Variants in ANKLE2 observed in about 807,000 individuals in gnomAD.
ANKLE2 encodes ankyrin repeat and LEM domain containing 2, also known as ankyrin repeat and LEM domain-containing protein 2.
In ANKLE2, 55 loss-of-function variants were observed where a neutral mutation model predicts 84.2. The observed-to-expected ratio is 0.65, with a 90% confidence interval of 0.53 to 0.82. The LOEUF is 0.82. ANKLE2 is among the 40% of genes least tolerant of loss of function. ANKLE2 has a pLI of 0.00. For synonymous variants in ANKLE2, 551 were observed against 486.1 expected (o/e 1.13, Z -1.76); for missense variants, 1,238 against 1,201.9 (o/e 1.03, Z -0.44).
intron 10 of ANKLE2, among the ~76,000 whole-genome samples, chr12:132,733,235 G>A (rs1280583645): frequency 5.0e-5 from 7 of 138,828 alleles, no homozygotes; most frequent in South Asian, 4.9e-4. Flanking sequence ...TGTCTGATAT[G>A]CACCGTGTGA....
chr12:132,733,154 G>A (rs2043924914), intron 10 of ANKLE2, among the ~76,000 whole-genome samples: 2 of 145,694 alleles, frequency 1.4e-5, no homozygotes, highest in African/African-American at 5.1e-5. Flanking sequence ...CCTGGTGTCT[G>A]ATATGCACCG....
At position 132,747,843 on chromosome 12, in the gene ANKLE2, G is replaced by C; in HGVS notation, c.1219C>G (p.Pro407Ala). 6.2e-7 allele frequency: 1 copy of C among 1,601,754 alleles called. No individual in the cohort carries two copies. Among genetic ancestry groups the C allele is most frequent in the Non-Finnish European group, 8.5e-7 (1 of 1,177,054 alleles). ...RYVVDLYLNTPDKMGYDTPLH... is the reference protein window; with the variant it reads ...RYVVDLYLNTADKMGYDTPLH... ...GGGTGTGCACGCACCATCTTGTCGG[G>C]GGTGTTGAGGTACAGGTCCACCACG... Residue 407 changes from proline (P) to alanine (A), a missense_variant, in exon 5 of 13, where the codon CCC becomes GCC. Pro to Ala is a conservative substitution (Grantham distance 27, BLOSUM62 -1). This residue lies in a region of ANKLE2 where 802 missense variants were observed against 774.5 expected (regional missense o/e 1.04). Coordinates refer to ENST00000357997, the MANE Select transcript of ANKLE2 (RefSeq NM_015114.3).
In ANKLE2 at chr12:132,754,990, C is replaced by A. The variant is rs760652537; in HGVS notation, c.325G>T (p.Ala109Ser). 3.1e-6 allele frequency: 5 copies of A among 1,614,190 alleles called. No homozygotes were observed. The highest frequency in any genetic ancestry group is 4.2e-6 in the Non-Finnish European group (5 of 1,180,032). The part of the protein sequence containing the change: ...RFIFEKKLAQ[A>S]LLEQGGRLSS... ...AGCCTTCCTCCTTGCTCCAGTAAAGCCTGAGCCAATTTTTTCTCAAAAATG... is the reference window on the plus strand; with the variant it reads ...AGCCTTCCTCCTTGCTCCAGTAAAGACTGAGCCAATTTTTTCTCAAAAATG... The change falls in exon 2 of 13, where the codon GCT becomes TCT. Residue 109 changes from alanine (A) to serine (S), a missense_variant. This residue lies in a region of ANKLE2 where 422 missense variants were observed against 394.5 expected (regional missense o/e 1.07). Coordinates refer to ENST00000357997, the MANE Select transcript of ANKLE2 (RefSeq NM_015114.3).
intron 2 of ANKLE2, 163 bp from the exon 3 acceptor site, chr12:132,751,012 T>C (rs761091727): frequency 6.6e-5 from 41 of 619,148 alleles, no homozygotes; most frequent in East Asian, 8.2e-5. Flanking sequence ...CTAGCCAAAA[T>C]AGAACAATTA....
chr12:132,751,077 T>C (rs2044345407), intron 2 of ANKLE2: 1 of 410,860 alleles, frequency 2.4e-6, no homozygotes, highest in Admixed American at 4.1e-5. Context: ...TATGTTCATA[T>C]ATGTAATTCT....
intron 10 of ANKLE2, among the ~76,000 whole-genome samples, chr12:132,733,591 A>T (rs10781635): frequency 9.6e-5 from 13 of 135,792 alleles, no homozygotes; most frequent in Admixed American, 2.9e-4. Flanking sequence ...CGTGTGAAGC[A>T]CTCTGCATCC....
chr12:132,731,428 T>TC (rs2043842568), intron 10 of ANKLE2: 1 of 151,794 alleles, frequency 6.6e-6, no homozygotes. Context: ...ATTTTCATTT[T>TC]CTATCATTCC....
chr12:132,750,913 T>C (rs1384528030), intron 2 of ANKLE2, 64 bp from the exon 3 acceptor site: 3 of 1,212,298 alleles, frequency 2.5e-6, no homozygotes, highest in Non-Finnish European at 1.2e-6. Flanking sequence ...CACCTGGCCA[T>C]GCCCTGGGCC....
chr12:132,749,585 C>T (rs963552881), intron 3 of ANKLE2, among the ~76,000 whole-genome samples: 1 of 152,214 alleles, frequency 6.6e-6, no homozygotes, highest in Non-Finnish European at 1.5e-5. Flanking sequence ...TGAGGGCAGG[C>T]GGATGACTGG....
chr12:132,757,049 G>A (rs1216810439), intron 1 of ANKLE2: 1 of 152,182 alleles, frequency 6.6e-6, no homozygotes, highest in Non-Finnish European at 1.5e-5. Context: ...TGTATTACAA[G>A]TGAGTAACAC....
At chr12:132,732,411 T>C (rs1410708612) in intron 10 of ANKLE2, among the ~76,000 whole-genome samples, 2 of 143,004 alleles carry the variant, frequency 1.4e-5, no homozygotes, top group African/African-American at 5.3e-5. Context: ...ACGCACCGTG[T>C]GAAGCTCTCT....
intron 8 of ANKLE2, among the ~76,000 whole-genome samples, chr12:132,736,667 C>T (rs2044015608): frequency 6.6e-6 from 1 of 152,194 alleles, no homozygotes; most frequent in Non-Finnish European, 1.5e-5. Flanking sequence ...GACAGTGGCT[C>T]CCAGCACATC....
At position 132,747,936 on chromosome 12, in the gene ANKLE2, T is replaced by A. The variant is rs888113701; in HGVS notation, c.1126A>T (p.Asn376Tyr). The A allele has an allele frequency of 1.6e-5, 26 of 1,601,320 alleles. No individual in the cohort carries two copies. Among genetic ancestry groups the A allele is most frequent in the Non-Finnish European group, 2.2e-5 (26 of 1,177,014 alleles). Residue 376 changes from asparagine to tyrosine, a missense_variant, in exon 5 of 13, where the codon AAC (asparagine) becomes TAC (tyrosine). Physicochemically the swap from Asn to Tyr is moderately radical, Grantham distance 143 (BLOSUM62 -2). Coordinates refer to ENST00000357997, the MANE Select transcript of ANKLE2 (RefSeq NM_015114.3). The part of the protein sequence containing the change: ...ICQLTLDVLE[N>Y]PDFMRLMYPD... ...TACATCAGCCTCATGAAGTCAGGGT[T>A]CTCCAGGACGTCCAGAGTCAGCTGG... is the stretch of plus-strand genomic sequence containing the variant.
At chr12:132,732,586 C>T (rs1247260597) in intron 10 of ANKLE2, among the ~76,000 whole-genome samples, 95 of 134,876 alleles carry the variant, frequency 7.0e-4, no homozygotes, top group African/African-American at 2.6e-3. Flanking sequence ...GTCCTGGCGT[C>T]TGATACGCAC....
rs751728695 is a variant in ANKLE2, at chr12:132,737,004, C to G, written c.1482G>C (p.Leu494=). 1.9e-6 allele frequency: 3 copies of G among 1,613,368 alleles called. No homozygotes were observed. The highest frequency in any genetic ancestry group is 2.2e-5 in the East Asian group (1 of 44,866). ...EETSSPVIGE[L]WSPDQTAEAS... ...CCTCAGCCGTCTGGTCTGGGGACCA[C>G]AGCTCCCCGATGACTGGAGAAGAAG... The change falls in exon 8 of 13, where the codon CTG becomes CTC. Residue 494 remains leucine, a synonymous_variant. Transcript: ENST00000357997.
chr12:132,754,390 CA>C (rs1485352669), intron 2 of ANKLE2, among the ~76,000 whole-genome samples: 1 of 152,218 alleles, frequency 6.6e-6, no homozygotes, highest in Non-Finnish European at 1.5e-5. Context: ...GACTAATCAA[CA>C]AAGTTCCTAA....
At chr12:132,734,116 G>A (rs1379467599) in intron 10 of ANKLE2, 4 of 555,752 alleles carry the variant, frequency 7.2e-6, no homozygotes, top group Non-Finnish European at 1.4e-5. Context: ...GTGGTGGCGG[G>A]CGCCTGTAGT....
intron 9 of ANKLE2, chr12:132,734,785 T>A: frequency 1.8e-6 from 1 of 548,380 alleles, no homozygotes; most frequent in Non-Finnish European, 3.1e-6. Flanking sequence ...CCGGCACAGC[T>A]CTCAGGAGCC....
chr12:132,752,047 A>C (rs1359222126), intron 2 of ANKLE2, among the ~76,000 whole-genome samples: 1 of 152,188 alleles, frequency 6.6e-6, no homozygotes, highest in Non-Finnish European at 1.5e-5. Flanking sequence ...CTACTGGATA[A>C]AAATAGCCAT....
Sources: allele counts gnomAD v4.1 joint callset (sites outside exome capture counted in the v4.1 genomes callset), GRCh38; gene constraint gnomAD v4.1.1; regional missense constraint gnomAD v4.1.1; transcripts MANE v1.5; gene names NCBI Gene and HGNC (gene_info 2026-07-23, HGNC 2026-07-21).